ADGRB3: variants seen among roughly 807,000 people sequenced by gnomAD.
ADGRB3 encodes adhesion G protein-coupled receptor B3.
A neutral mutation model predicts 193.4 loss-of-function variants in ADGRB3; 37 were observed. The observed-to-expected ratio is 0.19, with a 90% CI of 0.15 to 0.25. ADGRB3 has a LOEUF of 0.25. Among genes scored for constraint, ADGRB3 ranks in the 10% least tolerant of loss-of-function variants. The pLI, the probability that ADGRB3 is intolerant of heterozygous loss-of-function variation, is 1.00. For missense variants in ADGRB3, 1,637 were observed against 1,852.9 expected (o/e 0.88, Z 2.14); for synonymous variants, 690 against 644.2 (o/e 1.07, Z -1.08).
chr6:69,086,860 A>T (rs1212296493), intron 17 of ADGRB3, among the ~76,000 whole-genome samples: 1 of 152,170 alleles, frequency 6.6e-6, no homozygotes, highest in African/African-American at 2.4e-5. Context: ...AGATGAATAC[A>T]TATTTTAAAG....
chr6:69,372,362 A>T, intron 29 of ADGRB3, 44 bp from the exon 30 acceptor site: 1 of 1,146,698 alleles, frequency 8.7e-7, no homozygotes, highest in Non-Finnish European at 1.2e-6. Flanking sequence ...ACTAAACATA[A>T]CTTTATTGGT....
chr6:69,255,742 A>G (rs1319309858), intron 20 of ADGRB3, among the ~76,000 whole-genome samples: 1 of 152,058 alleles, frequency 6.6e-6, no homozygotes, highest in African/African-American at 2.4e-5. Context: ...TTTTGTTGCC[A>G]TTGCTTTTGG....
chr6:69,038,475 G>A (rs982787176), intron 13 of ADGRB3, among the ~76,000 whole-genome samples: 24 of 152,234 alleles, frequency 1.6e-4, no homozygotes, highest in African/African-American at 4.6e-4. Flanking sequence ...GAAAGAGGGG[G>A]AATTTATTTC....
At chr6:69,106,943 G>A (rs1478431798) in intron 17 of ADGRB3, among the ~76,000 whole-genome samples, 3 of 152,102 alleles carry the variant, frequency 2.0e-5, no homozygotes, top group African/African-American at 7.2e-5. Flanking sequence ...AAAGAAAAAT[G>A]GAAGAAATTT....
intron 17 of ADGRB3, among the ~76,000 whole-genome samples, chr6:69,100,657 C>G (rs1773005003): frequency 6.6e-6 from 1 of 151,820 alleles, no homozygotes; most frequent in African/African-American, 2.4e-5. Flanking sequence ...GATACTATTC[C>G]AATTGCTAGA....
chr6:68,740,254 A>T (rs1765953537), intron 3 of ADGRB3, among the ~76,000 whole-genome samples: 1 of 152,220 alleles, frequency 6.6e-6, no homozygotes, highest in African/African-American at 2.4e-5. Flanking sequence ...GACCTCTGTT[A>T]TCACTTATAT....
chr6:69,333,364 A>G (rs1350949236), intron 24 of ADGRB3, among the ~76,000 whole-genome samples: 1 of 152,192 alleles, frequency 6.6e-6, no homozygotes, highest in Non-Finnish European at 1.5e-5. Flanking sequence ...GATTGAACAC[A>G]GTGTTGGTAT....
At chr6:68,767,796 G>A (rs73467884) in intron 3 of ADGRB3, among the ~76,000 whole-genome samples, 6,972 of 152,144 alleles carry the variant, frequency 0.046, 318 homozygotes, top group African/African-American at 0.12. Context: ...AAACCCCATC[G>A]TCTCAGCCCC....
intron 24 of ADGRB3, among the ~76,000 whole-genome samples, chr6:69,333,743 C>T (rs1768776690): frequency 6.6e-6 from 1 of 150,502 alleles, no homozygotes. Flanking sequence ...AGATCGAGAC[C>T]ACAGTGAAAC....
At position 69,339,456 on chromosome 6, in the gene ADGRB3, A is replaced by T. The variant is rs757125290; in HGVS notation, c.3411A>T (p.Ser1137=). ...LFQILFAVFD[S]LQGFVIVMVH... ...AAATACTTTTTGCTGTGTTTGATTC[A>T]TTGCAAGGCTTTGTTATAGTCATGG... is the stretch of plus-strand genomic sequence containing the variant. The change falls in exon 26 of 32, where the codon TCA becomes TCT. Residue 1137 remains serine (S), a synonymous_variant. Transcript: ENST00000370598. The T allele has an allele frequency of 4.3e-6, 7 of 1,614,022 alleles. No individual in the cohort carries two copies. Among genetic ancestry groups the T allele is most frequent in the Non-Finnish European group, 5.9e-6 (7 of 1,179,902 alleles).
At chr6:68,656,362 C>T (rs1768490190) in intron 3 of ADGRB3, among the ~76,000 whole-genome samples, 1 of 151,444 alleles carries the variant, frequency 6.6e-6, no homozygotes, top group Non-Finnish European at 1.5e-5. Context: ...CAAATTCAGG[C>T]AAGTCACATA....
At chr6:68,820,808 T>A (rs557128508) in intron 3 of ADGRB3, among the ~76,000 whole-genome samples, 2 of 152,080 alleles carry the variant, frequency 1.3e-5, no homozygotes, top group Non-Finnish European at 2.9e-5. Context: ...ATCTTTTGTG[T>A]GCCTGGAATA....
intron 17 of ADGRB3, among the ~76,000 whole-genome samples, chr6:69,206,956 G>A (rs1446571369): frequency 6.6e-6 from 1 of 152,046 alleles, no homozygotes; most frequent in Non-Finnish European, 1.5e-5. Context: ...TAATCACAGG[G>A]CATGTTAATA....
intron 16 of ADGRB3, among the ~76,000 whole-genome samples, chr6:69,065,239 G>A (rs920770739): frequency 2.6e-5 from 4 of 152,114 alleles, no homozygotes; most frequent in Non-Finnish European, 5.9e-5. Context: ...GATGGGGAGA[G>A]GAGAATAGAA....
At chr6:68,838,892 C>T (rs1462057953) in intron 3 of ADGRB3, among the ~76,000 whole-genome samples, 1 of 152,020 alleles carries the variant, frequency 6.6e-6, no homozygotes, top group Non-Finnish European at 1.5e-5. Context: ...TATAAACAGA[C>T]AATTAAAACA....
intron 3 of ADGRB3, among the ~76,000 whole-genome samples, chr6:68,772,523 T>C (rs75595941): frequency 6.5e-4 from 99 of 152,116 alleles, no homozygotes; most frequent in Admixed American, 4.7e-3. Context: ...CTGAGACTTA[T>C]GCCTTAAAAA....
chr6:68,751,971 T>C (rs1009104160), intron 3 of ADGRB3, among the ~76,000 whole-genome samples: 4 of 152,202 alleles, frequency 2.6e-5, no homozygotes, highest in African/African-American at 9.6e-5. Context: ...TTTGTATCAA[T>C]TCATTTCAGT....
At chr6:69,259,122 A>T (rs186813063) in intron 20 of ADGRB3, among the ~76,000 whole-genome samples, 47 of 152,284 alleles carry the variant, frequency 3.1e-4, no homozygotes, top group Non-Finnish European at 5.9e-4. Flanking sequence ...CATGATATTA[A>T]AAGACAGGAA....
Position 69,239,229 on chromosome 6 carries a change from ATGACTGGTAATTATTC to A in ADGRB3, c.2814+7_2814+22del. On this transcript the variant is annotated splice_donor_5th_base_variant and intron_variant, in intron 20 of 31. Transcript: ENST00000370598. ...GACAGACTCAGACACATAATAAGGT[ATGACTGGTAATTATTC>A]TGATTCTTTTTTTGTGTTTATATTT... 2 of 1,506,058 alleles carry A rather than the reference ATGACTGGTAATTATTC, an allele frequency of 1.3e-6. No individual in the cohort carries two copies. Among genetic ancestry groups the A allele is most frequent in the Non-Finnish European group, 1.8e-6 (2 of 1,089,500 alleles). 93.3% of individuals were successfully genotyped at this position (1,506,058 alleles called of 1,614,324 possible). A position where few individuals can be genotyped will look rare whatever the true frequency, so the allele number is the denominator to read the frequency against.
Sources: gnomAD v4.1 joint callset for allele counts (sites outside exome capture counted in the v4.1 genomes callset) on GRCh38, gnomAD v4.1.1 for gene constraint, MANE v1.5 for transcripts, NCBI Gene and HGNC (gene_info 2026-07-23, HGNC 2026-07-21) for gene names.